Variants in ITPR2 observed in about 807,000 individuals in gnomAD.
ITPR2 encodes the protein inositol 1,4,5-trisphosphate receptor type 2, also known as inositol 1,4,5-trisphosphate-gated calcium channel ITPR2.
A neutral mutation model predicts 317.1 loss-of-function variants in ITPR2; 207 were observed. The ratio of observed to expected loss-of-function variants is 0.65; its 90% CI spans 0.58 to 0.73. ITPR2 has a LOEUF of 0.73. Among genes scored for constraint, ITPR2 ranks in the 30% least tolerant of loss-of-function variants. The pLI, the probability that ITPR2 is intolerant of heterozygous loss-of-function variation, is 0.00. For missense variants in ITPR2, 2,613 were observed against 3,284.0 expected (o/e 0.80, Z 4.99); for synonymous variants, 1,156 against 1,149.1 (o/e 1.01, Z -0.12).
At chr12:26,520,856 G>T (rs1943643170) in intron 37 of ITPR2, among the ~76,000 whole-genome samples, 1 of 151,974 alleles carries the variant, frequency 6.6e-6, no homozygotes, top group African/African-American at 2.4e-5. Flanking sequence ...GATATTTATG[G>T]GGTATGGATC....
chr12:26,579,995 G>A (rs752742458), intron 33 of ITPR2, 32 bp downstream of exon 33: 2 of 1,589,642 alleles, frequency 1.3e-6, no homozygotes, highest in Admixed American at 1.8e-5. Flanking sequence ...GAAACTCTTT[G>A]CAACAGAATG....
chr12:26,685,900 C>A (rs1429212073), intron 11 of ITPR2, among the ~76,000 whole-genome samples: 2 of 152,202 alleles, frequency 1.3e-5, no homozygotes, highest in Non-Finnish European at 2.9e-5. Context: ...AACACTCCTA[C>A]CTAATAGAAC....
chr12:26,401,786 C>T (rs139467139), intron 52 of ITPR2, among the ~76,000 whole-genome samples: 2 of 152,348 alleles, frequency 1.3e-5, no homozygotes, highest in African/African-American at 4.8e-5. Context: ...TTTTCCTCTT[C>T]TGAGCCGACT....
intron 13 of ITPR2, among the ~76,000 whole-genome samples, chr12:26,674,866 C>A (rs1483853032): frequency 3.3e-5 from 5 of 151,568 alleles, no homozygotes; most frequent in African/African-American, 9.7e-5. Context: ...AACAAACAAC[C>A]CCATCAAAAA....
chr12:26,627,241 C>T (rs1486557413), intron 23 of ITPR2: 1 of 152,230 alleles, frequency 6.6e-6, no homozygotes, highest in Non-Finnish European at 1.5e-5. Flanking sequence ...AACGGCTTCT[C>T]TTCAAAACAC....
chr12:26,772,984 T>TA (rs1949899655), intron 2 of ITPR2, among the ~76,000 whole-genome samples: 1 of 152,088 alleles, frequency 6.6e-6, no homozygotes, highest in Non-Finnish European at 1.5e-5. Flanking sequence ...AACTCCCACT[T>TA]ATGAGTGAGA....
intron 36 of ITPR2, among the ~76,000 whole-genome samples, chr12:26,554,199 G>A (rs1490936484): frequency 6.6e-6 from 1 of 152,162 alleles, no homozygotes; most frequent in Non-Finnish European, 1.5e-5. Context: ...CTGTCTAACA[G>A]AACTCTCTGC....
At chr12:26,399,197 T>C (rs997122020) in intron 53 of ITPR2, among the ~76,000 whole-genome samples, 156 bp from the exon 54 acceptor site, 25 of 152,334 alleles carry the variant, frequency 1.6e-4, no homozygotes, top group African/African-American at 6.0e-4. Context: ...CTTTAAGTGT[T>C]GTAAGAAAAA....
intron 21 of ITPR2, among the ~76,000 whole-genome samples, chr12:26,647,113 T>C (rs1167556412): frequency 6.6e-6 from 1 of 152,218 alleles, no homozygotes; most frequent in Non-Finnish European, 1.5e-5. Flanking sequence ...CACTGAACGA[T>C]GTAGACTTTA....
chr12:26,516,277 G>GA (rs1396180839), intron 37 of ITPR2, among the ~76,000 whole-genome samples: 1,070 of 83,744 alleles, frequency 0.013, 101 homozygotes, highest in Non-Finnish European at 0.02. Flanking sequence ...GAAAGGAAGG[G>GA]AAGGGAAGGG....
At chr12:26,368,677 G>T (rs1381198527) in intron 55 of ITPR2, among the ~76,000 whole-genome samples, 1 of 152,112 alleles carries the variant, frequency 6.6e-6, no homozygotes, top group East Asian at 1.9e-4. Flanking sequence ...AGTCACTAAA[G>T]ATATATCATT....
At chr12:26,496,035 A>G (rs1199334876) in intron 37 of ITPR2, among the ~76,000 whole-genome samples, 3 of 152,232 alleles carry the variant, frequency 2.0e-5, no homozygotes, top group African/African-American at 7.2e-5. Flanking sequence ...ACATTTTGTA[A>G]TATAATTGCT....
Position 26,804,839 on chromosome 12 carries a change from A to G in ITPR2, c.93-14612T>C, listed in dbSNP as rs184849144. 3.0e-3 allele frequency among the ~76,000 whole-genome samples: 454 copies of G among 152,184 alleles called. 2 individuals carry two copies. The highest frequency in any genetic ancestry group is 3.2e-3 in the Non-Finnish European group (218 of 68,014). ...CAACCTTGACCTCCCTGTTCAAGCA[A>G]TCATCCCACTTCAGCCTCCCTATCA... On this transcript the variant is annotated intron_variant, in intron 1 of 56. Coordinates refer to ENST00000381340, the MANE Select transcript of ITPR2 (RefSeq NM_002223.4).
At chr12:26,546,908 G>T (rs1944404636) in intron 37 of ITPR2, among the ~76,000 whole-genome samples, 1 of 152,030 alleles carries the variant, frequency 6.6e-6, no homozygotes, top group South Asian at 2.1e-4. Context: ...ACTCAAAATG[G>T]ATTAAAGACT....
chr12:26,795,408 C>T lies in ITPR2; in HGVS notation c.93-5181G>A, dbSNP rs1032944229. On this transcript the variant is annotated intron_variant, in intron 1 of 56. Coordinates refer to ENST00000381340, the MANE Select transcript of ITPR2 (RefSeq NM_002223.4). ...ACAAAAAGGACAAAACATAAAAGAC[C>T]GATAAGTTTGTCTACATTAAAAGTA... is the stretch of plus-strand genomic sequence containing the variant. Among the ~76,000 whole-genome samples, 7 of 151,620 alleles carry T rather than the reference C, an allele frequency of 4.6e-5. No homozygotes were observed. In the South Asian group the frequency reaches 1.2e-3, roughly 27 times the overall value.
chr12:26,706,162 A>G (rs1948546813), intron 9 of ITPR2, among the ~76,000 whole-genome samples: 1 of 152,132 alleles, frequency 6.6e-6, no homozygotes, highest in African/African-American at 2.4e-5. Context: ...GTGGCTGTTG[A>G]GCAACTTGAA....
At chr12:26,706,406 C>T (rs1047640043) in intron 9 of ITPR2, among the ~76,000 whole-genome samples, 3 of 152,100 alleles carry the variant, frequency 2.0e-5, no homozygotes, top group African/African-American at 4.8e-5. Flanking sequence ...CTGGCCCCAT[C>T]GCTTCCCTCT....
At chr12:26,446,129 G>A (rs1941605162) in intron 45 of ITPR2, among the ~76,000 whole-genome samples, 1 of 152,094 alleles carries the variant, frequency 6.6e-6, no homozygotes. Context: ...ATGAGGACGA[G>A]AGAGGAGGTG....
At chr12:26,490,320 A>G (rs891208940) in intron 39 of ITPR2, among the ~76,000 whole-genome samples, 5 of 152,250 alleles carry the variant, frequency 3.3e-5, no homozygotes, top group Non-Finnish European at 7.3e-5. Context: ...TGTCCCAGAC[A>G]GCTAGGAAAG....
Sources: allele counts gnomAD v4.1 joint callset (sites outside exome capture counted in the v4.1 genomes callset), GRCh38; gene constraint gnomAD v4.1.1; transcripts MANE v1.5; gene names NCBI Gene and HGNC (gene_info 2026-07-23, HGNC 2026-07-21).